PLN: variants seen among roughly 807,000 people sequenced by gnomAD.
PLN encodes phospholamban, also known as cardiac phospholamban.
In PLN, 1 loss-of-function variant was observed where a neutral mutation model predicts 3.9. That is an observed-to-expected ratio of 0.26 (90% confidence interval 0.09 to 1.23). PLN has a LOEUF of 1.23. Among genes scored for constraint, PLN ranks in the 50% most tolerant of loss-of-function variants. PLN has a pLI of 0.48. For synonymous variants in PLN, 21 were observed against 20.5 expected, an observed-to-expected ratio of 1.02 and a Z score of -0.07; for missense variants, 59 against 62.7, an observed-to-expected ratio of 0.94 and a Z score of 0.20.
chr6:118,558,824 G>A lies in PLN; in HGVS notation c.-97-1G>A, dbSNP rs1562260016. On this transcript the variant is annotated splice_acceptor_variant, in intron 1 of 1. Transcript: ENST00000357525. LOFTEE classifies it low-confidence loss of function (5UTR_SPLICE). Reference sequence around the variant, plus strand: ...ATCCATTTATTATTTTTACATTCCAGGCTACCTAAAAGAAGACAGTTATCT... The same window carrying A: ...ATCCATTTATTATTTTTACATTCCAAGCTACCTAAAAGAAGACAGTTATCT... 2 of 814,712 alleles carry A rather than the reference G, an allele frequency of 2.5e-6. No individual in the cohort carries two copies. Among genetic ancestry groups the A allele is most frequent in the Non-Finnish European group, 4.3e-6 (2 of 465,542 alleles). The allele number at this position is 814,712 out of a possible 1,614,324, so 50.5% of individuals were successfully genotyped here. A position where few individuals can be genotyped will look rare whatever the true frequency, so the allele number is the denominator to read the frequency against.
In PLN at chr6:118,561,650, T is replaced by C. The variant is rs774570557; in HGVS notation, c.*2570T>C. Among the ~76,000 whole-genome samples the C allele has an allele frequency of 2.6e-4, 40 of 152,266 alleles. No homozygotes were observed. The highest frequency in any genetic ancestry group is 3.4e-3 in the Middle Eastern group (1 of 294). On this transcript the variant is annotated 3_prime_UTR_variant, in exon 2 of 2. Coordinates refer to ENST00000357525, the MANE Select transcript of PLN (RefSeq NM_002667.5). ...TGTTGCCTTTTATATTTTAATTGGT[T>C]AAGAATATATATTTGTTTAATGCAA...
At position 118,560,128 on chromosome 6, in the gene PLN, T is replaced by C. The variant is rs1364662298; in HGVS notation, c.*1048T>C. 3 of 167,036 alleles carry C rather than the reference T, an allele frequency of 1.8e-5. No individual in the cohort carries two copies. Among genetic ancestry groups the C allele is most frequent in the African/African-American group, 7.2e-5 (3 of 41,442 alleles). 10.3% of individuals were successfully genotyped at this position (167,036 alleles called of 1,614,324 possible). On this transcript the variant is annotated 3_prime_UTR_variant, in exon 2 of 2. Coordinates refer to ENST00000357525, the MANE Select transcript of PLN (RefSeq NM_002667.5). ...CTCTCTCCAAATATTAACTAATTAT[T>C]AGATTATATTTTGAAATGAACTTGT...
chr6:118,558,846 A>G lies in PLN; in HGVS notation c.-76A>G. 3 of 901,432 alleles carry G rather than the reference A, an allele frequency of 3.3e-6. No homozygotes were observed. The highest frequency in any genetic ancestry group is 5.6e-6 in the Non-Finnish European group (3 of 536,032). 55.8% of individuals were successfully genotyped at this position (901,432 alleles called of 1,614,324 possible). A position where few individuals can be genotyped will look rare whatever the true frequency, so the allele number is the denominator to read the frequency against. On this transcript the variant is annotated 5_prime_UTR_variant, in exon 2 of 2. Transcript: ENST00000357525. ...CCAGGCTACCTAAAAGAAGACAGTTATCTCATATTTGGCTGCCAGCTTTTT... is the reference window on the plus strand; with the variant it reads ...CCAGGCTACCTAAAAGAAGACAGTTGTCTCATATTTGGCTGCCAGCTTTTT...
intron 1 of PLN, among the ~76,000 whole-genome samples, chr6:118,550,744 C>T (rs554649988): frequency 6.6e-6 from 1 of 151,862 alleles, no homozygotes; most frequent in East Asian, 1.9e-4. Context: ...AATTTGAAAG[C>T]CCCCAAATAC....
At chr6:118,553,016 T>C (rs1778641686) in intron 1 of PLN, among the ~76,000 whole-genome samples, 1 of 152,090 alleles carries the variant, frequency 6.6e-6, no homozygotes, top group Admixed American at 6.5e-5. Flanking sequence ...TTGTCATTCT[T>C]TTAATAAAAG....
chr6:118,559,061 T>C lies in PLN; in HGVS notation c.140T>C (p.Ile47Thr). The C allele has an allele frequency of 6.2e-7, 1 of 1,611,940 alleles. No homozygotes were observed. ...LILICLLLIC[I>T]IVMLL Reference sequence around the variant, plus strand: ...TTAATATGTCTCTTGCTGATCTGTATCATCGTGATGCTTCTCTGAAGTTCT... The same window carrying C: ...TTAATATGTCTCTTGCTGATCTGTACCATCGTGATGCTTCTCTGAAGTTCT... Residue 47 changes from isoleucine (I) to threonine (T), a missense_variant, in exon 2 of 2, where the codon ATC becomes ACC. Ile to Thr is a moderately conservative substitution (Grantham distance 89). Coordinates refer to ENST00000357525, the MANE Select transcript of PLN (RefSeq NM_002667.5).
chr6:118,558,972 C>T lies in PLN; in HGVS notation c.51C>T (p.Thr17=), dbSNP rs996756205. Residue 17 remains threonine (T), a synonymous_variant, in exon 2 of 2, where the codon ACC becomes ACT. Transcript: ENST00000357525. ...GCTCAGCTATAAGAAGAGCCTCAAC[C>T]ATTGAAATGCCTCAACAAGCACGTC... ...LTRSAIRRAS[T]IEMPQQARQK... is the part of the protein sequence containing the mutation. The T allele has an allele frequency of 6.2e-7, 1 of 1,612,600 alleles. No homozygotes were observed. Among genetic ancestry groups the T allele is most frequent in the East Asian group, 2.2e-5 (1 of 44,868 alleles).
In PLN at chr6:118,558,173, A is replaced by G. The variant is rs545036017; in HGVS notation, c.-97-652A>G. Among the ~76,000 whole-genome samples, 17 of 152,014 alleles carry G rather than the reference A, an allele frequency of 1.1e-4. No individual in the cohort carries two copies. In the South Asian group the frequency reaches 3.3e-3, roughly 30 times the overall value. On this transcript the variant is annotated intron_variant, in intron 1 of 1. Transcript: ENST00000357525. Reference sequence around the variant, plus strand: ...ACCATGTTGGCCAGGCTGGTCTCAAACTCCTGACCTCAGGGGAACTGCCCG... The same window carrying G: ...ACCATGTTGGCCAGGCTGGTCTCAAGCTCCTGACCTCAGGGGAACTGCCCG...
rs1426417117 is a variant in PLN at position 118,559,082 on chromosome 6, G to C, written c.*2G>C. ...TGTATCATCGTGATGCTTCTCTGAAGTTCTGCTACAACCTCTAGATCTGCA... is the reference window on the plus strand; with the variant it reads ...TGTATCATCGTGATGCTTCTCTGAACTTCTGCTACAACCTCTAGATCTGCA... On this transcript the variant is annotated 3_prime_UTR_variant, in exon 2 of 2. Coordinates refer to ENST00000357525, the MANE Select transcript of PLN (RefSeq NM_002667.5). 6.2e-7 allele frequency: 1 copy of C among 1,608,912 alleles called. No individual in the cohort carries two copies. Among genetic ancestry groups the C allele is most frequent in the Admixed American group, 1.7e-5 (1 of 59,996 alleles).
At chr6:118,555,807 C>A (rs1216402454) in intron 1 of PLN, among the ~76,000 whole-genome samples, 2 of 151,216 alleles carry the variant, frequency 1.3e-5, no homozygotes, top group African/African-American at 2.5e-5. Flanking sequence ...CTCCCATCCT[C>A]CCCGCTCAAG....
chr6:118,551,960 G>GTA (rs1365957560), intron 1 of PLN, among the ~76,000 whole-genome samples: 3 of 151,946 alleles, frequency 2.0e-5, no homozygotes, highest in Non-Finnish European at 4.4e-5. Context: ...CCAAAAAAGG[G>GTA]TATATGCACA....
At chr6:118,557,735 C>G (rs963188019) in intron 1 of PLN, among the ~76,000 whole-genome samples, 3 of 152,068 alleles carry the variant, frequency 2.0e-5, no homozygotes, top group Admixed American at 2.0e-4. Context: ...AAATTATTAT[C>G]GAATAAAAAT....
At chr6:118,548,586 C>G (rs1415890121) in intron 1 of PLN, among the ~76,000 whole-genome samples, 194 bp downstream of exon 1, 1 of 151,996 alleles carries the variant, frequency 6.6e-6, no homozygotes, top group Non-Finnish European at 1.5e-5. Context: ...AATGAGACAA[C>G]TTTGAAATGA....
At position 118,561,202 on chromosome 6, in the gene PLN, T is replaced by G. The variant is rs539234509; in HGVS notation, c.*2122T>G. On this transcript the variant is annotated 3_prime_UTR_variant, in exon 2 of 2. Coordinates refer to ENST00000357525, the MANE Select transcript of PLN (RefSeq NM_002667.5). ...CAAGCTGGAAATTCCTAAAAACAAG[T>G]AGAAAGCTTATAAACAACAGGTGAT... Among the ~76,000 whole-genome samples the G allele has an allele frequency of 6.6e-6, 1 of 152,226 alleles. No homozygotes were observed. Among genetic ancestry groups the G allele is most frequent in the East Asian group, 1.9e-4 (1 of 5,186 alleles).
Position 118,559,372 on chromosome 6 carries a change from T to C in PLN, c.*292T>C, listed in dbSNP as rs890794869. ...ACAAATTTCTATCCCAAATCTTTTC[T>C]GAAGATGAAGAGTTTAGTTTTAAAA... On this transcript the variant is annotated 3_prime_UTR_variant, in exon 2 of 2. Transcript: ENST00000357525. The C allele has an allele frequency of 8.4e-5, 33 of 392,838 alleles. No homozygotes were observed. Among genetic ancestry groups the C allele is most frequent in the South Asian group, 8.0e-4 (33 of 41,470 alleles). 24.3% of individuals were successfully genotyped at this position (392,838 alleles called of 1,614,324 possible). A position where few individuals can be genotyped will look rare whatever the true frequency, so the allele number is the denominator to read the frequency against.
At chr6:118,558,652 C>CAGAGAGAG (rs1482465423) in intron 1 of PLN, among the ~76,000 whole-genome samples, 173 bp from the exon 2 acceptor site, 11 of 132,892 alleles carry the variant, frequency 8.3e-5, no homozygotes, top group African/African-American at 3.3e-4. Flanking sequence ...CACACACACA[C>CAGAGAGAG]ACACACACAG....
intron 1 of PLN, among the ~76,000 whole-genome samples, chr6:118,549,028 AAATT>A (rs1230684907): frequency 6.6e-6 from 1 of 152,020 alleles, no homozygotes; most frequent in Middle Eastern, 3.2e-3. Context: ...TGCTATTAAT[AAATT>A]GAGTTACTGA....
chr6:118,556,607 G>C (rs988770859), intron 1 of PLN, among the ~76,000 whole-genome samples: 4 of 152,146 alleles, frequency 2.6e-5, no homozygotes, highest in African/African-American at 7.2e-5. Flanking sequence ...TCTCAGGAAT[G>C]GGCTAACAGG....
chr6:118,558,369 A>T (rs762136756), intron 1 of PLN, among the ~76,000 whole-genome samples: 2 of 152,140 alleles, frequency 1.3e-5, no homozygotes, highest in Non-Finnish European at 2.9e-5. Context: ...TGTGACCAGA[A>T]ATATGCTATA....
Sources: gnomAD v4.1 joint callset for allele counts (sites outside exome capture counted in the v4.1 genomes callset) on GRCh38, gnomAD v4.1.1 for gene constraint, MANE v1.5 for transcripts, NCBI Gene and HGNC (gene_info 2026-07-23, HGNC 2026-07-21) for gene names.